Variants in HCLS1 observed in about 807,000 individuals in gnomAD.
HCLS1 encodes the protein hematopoietic cell-specific Lyn substrate 1, also known as hematopoietic lineage cell-specific protein.
Under a neutral mutation model 68.6 loss-of-function variants are expected in HCLS1, and 44 were observed. The observed-to-expected ratio is 0.64, with a 90% confidence interval of 0.50 to 0.82. HCLS1 has a LOEUF of 0.82. Among genes scored for constraint, HCLS1 ranks in the 40% least tolerant of loss-of-function variants. The pLI, the probability that HCLS1 is intolerant of heterozygous loss-of-function variation, is 0.00. For synonymous variants in HCLS1, 217 were observed against 225.8 expected (o/e 0.96, Z 0.35); for missense variants, 602 against 612.1 (o/e 0.98, Z 0.17).
intron 8 of HCLS1, 36 bp from the exon 9 acceptor site, chr3:121,635,840 A>T: frequency 6.3e-7 from 1 of 1,577,728 alleles, no homozygotes. Context: ...GTTGCGGGAG[A>T]GGGGCAAGGG....
At chr3:121,634,081 G>C (rs2049125917) in intron 10 of HCLS1, 126 bp downstream of exon 10, 4 of 1,490,910 alleles carry the variant, frequency 2.7e-6, no homozygotes, top group Non-Finnish European at 3.6e-6. Context: ...TCTAAAGACA[G>C]AGACAACAGA....
chr3:121,639,534 TTGTTGTTG>T (rs2049179123), intron 6 of HCLS1, among the ~76,000 whole-genome samples: 1 of 151,130 alleles, frequency 6.6e-6, no homozygotes, highest in South Asian at 2.1e-4. Flanking sequence ...TTATTTTTTG[TTGTTGTTG>T]TTGTTGTTGT....
intron 4 of HCLS1, 137 bp downstream of exon 4, chr3:121,647,182 C>A: frequency 2.5e-6 from 2 of 794,662 alleles, no homozygotes; most frequent in Non-Finnish European, 4.0e-6. Context: ...GGGGTTTCAC[C>A]GTGTTAGCCA....
At position 121,633,074 on chromosome 3, in the gene HCLS1, A is replaced by G; in HGVS notation, c.1001T>C (p.Leu334Pro). ...PVPLLPIRQT[L>P]PEDNEEPPAL... is the part of the protein sequence containing the mutation. Reference sequence around the variant, plus strand: ...CTTTGGGGGTTTGCTTACCTCCGGGAGAGTCTGCCTAATGGGCAGCAAGGG... The same window carrying G: ...CTTTGGGGGTTTGCTTACCTCCGGGGGAGTCTGCCTAATGGGCAGCAAGGG... The change falls in exon 11 of 14, where the codon CTC becomes CCC. Residue 334 changes from leucine (L) to proline (P), a missense_variant. Leu to Pro is a moderately conservative substitution (Grantham distance 98). Coordinates refer to ENST00000314583, the MANE Select transcript of HCLS1 (RefSeq NM_005335.6). The G allele has an allele frequency of 3.1e-6, 5 of 1,607,384 alleles. No homozygotes were observed. Among genetic ancestry groups the G allele is most frequent in the Non-Finnish European group, 4.3e-6 (5 of 1,174,196 alleles).
At chr3:121,632,008 A>G in intron 13 of HCLS1, 26 bp from the exon 14 acceptor site, 5 of 1,614,198 alleles carry the variant, frequency 3.1e-6, no homozygotes, top group Non-Finnish European at 4.2e-6. Flanking sequence ...AGGGGATATT[A>G]GAATGGTCAG....
intron 3 of HCLS1, among the ~76,000 whole-genome samples, chr3:121,650,205 T>C (rs1395121165): frequency 6.6e-6 from 1 of 152,220 alleles, no homozygotes; most frequent in Non-Finnish European, 1.5e-5. Context: ...CCCATGTTCA[T>C]GGATTGGAAA....
At chr3:121,657,983 G>A (rs1005568497) in intron 2 of HCLS1, 2 of 397,744 alleles carry the variant, frequency 5.0e-6, no homozygotes, top group African/African-American at 4.1e-5. Context: ...TGGGCCAGGG[G>A]AGACCCAGGT....
chr3:121,644,668 G>T (rs934846947), intron 5 of HCLS1, 150 bp downstream of exon 5: 3 of 739,010 alleles, frequency 4.1e-6, no homozygotes, highest in Non-Finnish European at 7.5e-6. Flanking sequence ...GGAACTTGCT[G>T]AGGGAGGTAT....
At chr3:121,646,403 ATT>A (rs1419040252) in intron 4 of HCLS1, among the ~76,000 whole-genome samples, 1 of 85,410 alleles carries the variant, frequency 1.2e-5, no homozygotes, top group African/African-American at 4.5e-5. Flanking sequence ...TATGTAATAT[ATT>A]ACATAGTAAT....
intron 3 of HCLS1, chr3:121,657,013 T>C (rs375508297): frequency 3.7e-5 from 13 of 353,190 alleles, no homozygotes; most frequent in East Asian, 2.7e-4. Context: ...GTTAATCCAA[T>C]AGACCCACTT....
At chr3:121,659,404 C>G (rs559137693) in intron 1 of HCLS1, among the ~76,000 whole-genome samples, 1 of 152,178 alleles carries the variant, frequency 6.6e-6, no homozygotes, top group Non-Finnish European at 1.5e-5. Flanking sequence ...TCCTCAGACA[C>G]CTCATCCCAT....
At chr3:121,645,527 G>A (rs1576465330) in intron 4 of HCLS1, among the ~76,000 whole-genome samples, 1 of 152,238 alleles carries the variant, frequency 6.6e-6, no homozygotes, top group East Asian at 1.9e-4. Context: ...TTTAAATGCA[G>A]CAAATAATTT....
chr3:121,641,342 G>A (rs1208851169), intron 6 of HCLS1, among the ~76,000 whole-genome samples: 1 of 152,124 alleles, frequency 6.6e-6, no homozygotes, highest in Non-Finnish European at 1.5e-5. Context: ...GCAACATAAA[G>A]ACATTTTTCA....
intron 3 of HCLS1, chr3:121,655,562 G>A (rs930371512): frequency 2.9e-5 from 4 of 138,680 alleles, no homozygotes; most frequent in South Asian, 2.3e-4. Context: ...ATCACACCTC[G>A]GATAAACCTC....
At position 121,635,752 on chromosome 3, in the gene HCLS1, G is replaced by C; in HGVS notation, c.674C>G (p.Thr225Arg). ...AGCCTCACCGGCTTCTATGGGCGTCGTCTTCTTATAAGCTGTGGTCGGGGC... is the reference window on the plus strand; with the variant it reads ...AGCCTCACCGGCTTCTATGGGCGTCCTCTTCTTATAAGCTGTGGTCGGGGC... ...MEAPTTAYKK[T>R]TPIEAASSGT... Residue 225 changes from threonine to arginine, a missense_variant, in exon 9 of 14, where the codon ACG (threonine) becomes AGG (arginine). By Grantham distance (71) the Thr-to-Arg change is moderately conservative. Coordinates refer to ENST00000314583, the MANE Select transcript of HCLS1 (RefSeq NM_005335.6). The C allele has an allele frequency of 6.2e-7, 1 of 1,613,914 alleles. No homozygotes were observed. Among genetic ancestry groups the C allele is most frequent in the Non-Finnish European group, 8.5e-7 (1 of 1,179,806 alleles).
rs1351797685 is a variant in HCLS1 at position 121,632,320 on chromosome 3, C to G, written c.1240+12G>C. The G allele has an allele frequency of 1.2e-6, 2 of 1,613,260 alleles. No individual in the cohort carries two copies. Among genetic ancestry groups the G allele is most frequent in the African/African-American group, 2.7e-5 (2 of 75,030 alleles). On this transcript the variant is annotated intron_variant, in intron 12 of 13. Transcript: ENST00000314583. ...ATGAGCAAATTCTCCTGCTTCTCCTCCCATCACTCACCAGCCAGAGCAGAA... is the reference window on the plus strand; with the variant it reads ...ATGAGCAAATTCTCCTGCTTCTCCTGCCATCACTCACCAGCCAGAGCAGAA...
At chr3:121,650,942 C>T (rs1937737213) in intron 3 of HCLS1, among the ~76,000 whole-genome samples, 1 of 152,082 alleles carries the variant, frequency 6.6e-6, no homozygotes, top group South Asian at 2.1e-4. Context: ...TCAAGACCAG[C>T]CTAGCCACTA....
At chr3:121,656,644 A>G (rs997236708) in intron 3 of HCLS1, among the ~76,000 whole-genome samples, 1 of 152,236 alleles carries the variant, frequency 6.6e-6, no homozygotes, top group African/African-American at 2.4e-5. Context: ...TCGTTGCCAA[A>G]ATAGTTTTTA....
chr3:121,659,182 G>T (rs192393102), intron 1 of HCLS1, among the ~76,000 whole-genome samples: 1 of 152,182 alleles, frequency 6.6e-6, no homozygotes, highest in Admixed American at 6.5e-5. Context: ...AATATTTAGA[G>T]AACCCTAGCT....
Sources: gnomAD v4.1 joint callset for allele counts (sites outside exome capture counted in the v4.1 genomes callset) on GRCh38, gnomAD v4.1.1 for gene constraint, MANE v1.5 for transcripts, NCBI Gene and HGNC (gene_info 2026-07-23, HGNC 2026-07-21) for gene names.